Variants in TP63 observed in about 807,000 individuals in gnomAD.
TP63 encodes tumor protein 63.
TP63 carries 17 observed loss-of-function variants against 82.8 expected under a neutral mutation model. The observed-to-expected ratio is 0.21, with a 90% CI of 0.14 to 0.31. The LOEUF (loss-of-function observed/expected upper bound fraction) is 0.31. Among genes scored for constraint, TP63 ranks in the 10% least tolerant of loss-of-function variants. The pLI, the probability that TP63 is intolerant of heterozygous loss-of-function variation, is 1.00. For synonymous variants in TP63, 330 were observed against 321.7 expected (o/e 1.03, Z -0.28); for missense variants, 648 against 895.3 (o/e 0.72, Z 3.52).
At chr3:189,811,509 G>A (rs1727568636) in intron 4 of TP63, among the ~76,000 whole-genome samples, 1 of 152,158 alleles carries the variant, frequency 6.6e-6, no homozygotes, top group Admixed American at 6.5e-5. Flanking sequence ...TAGGGCACTT[G>A]AACCCTTATC....
chr3:189,800,267 A>C (rs528118852), intron 3 of TP63, among the ~76,000 whole-genome samples: 48 of 152,192 alleles, frequency 3.2e-4, no homozygotes, highest in African/African-American at 1.1e-3. Flanking sequence ...CAGAGTTTCA[A>C]ATAGTGCCTC....
intron 4 of TP63, among the ~76,000 whole-genome samples, chr3:189,811,756 C>T (rs1468914341): frequency 1.3e-5 from 2 of 152,160 alleles, no homozygotes; most frequent in Non-Finnish European, 2.9e-5. Flanking sequence ...TAATAACCAG[C>T]CAAGGATGGG....
intron 10 of TP63, among the ~76,000 whole-genome samples, chr3:189,878,372 C>T (rs1261574247): frequency 2.8e-5 from 4 of 143,592 alleles, no homozygotes; most frequent in East Asian, 2.0e-4. Flanking sequence ...ACTACACAAG[C>T]TTTTACAGTT....
chr3:189,799,853 T>C (rs1726100724), intron 3 of TP63, among the ~76,000 whole-genome samples: 1 of 152,198 alleles, frequency 6.6e-6, no homozygotes, highest in South Asian at 2.1e-4. Flanking sequence ...AGATACTTTC[T>C]GCAAGTAATT....
chr3:189,642,485 G>A (rs564736907), intron 1 of TP63, among the ~76,000 whole-genome samples: 97 of 151,988 alleles, frequency 6.4e-4, no homozygotes, highest in African/African-American at 2.1e-3. Flanking sequence ...GGGCCAATGC[G>A]CATAGGTTCA....
At chr3:189,706,006 A>T (rs925610614) in intron 1 of TP63, among the ~76,000 whole-genome samples, 5 of 152,212 alleles carry the variant, frequency 3.3e-5, no homozygotes, top group Admixed American at 2.0e-4. Flanking sequence ...TGTAGTGCCC[A>T]TGCATATACT....
rs1476416394 is a variant in TP63, at chr3:189,872,760, A to T, written c.1213-99A>T. 5 of 1,533,444 alleles carry T rather than the reference A, an allele frequency of 3.3e-6. No individual in the cohort carries two copies. In the African/African-American group the frequency reaches 6.8e-5, roughly 21 times the overall value. The allele number at this position is 1,533,444 out of a possible 1,614,324, so 95.0% of individuals were successfully genotyped here. A position where few individuals can be genotyped will look rare whatever the true frequency, so the allele number is the denominator to read the frequency against. On this transcript the variant is annotated intron_variant, in intron 9 of 13. Transcript: ENST00000264731. ...CAAATAAACGTTAGCAAATAAACAA[A>T]TTGCAATTACGGAATCCTCAAATAA...
intron 12 of TP63, among the ~76,000 whole-genome samples, chr3:189,890,468 A>C (rs1173949665): frequency 6.6e-6 from 1 of 152,162 alleles, no homozygotes; most frequent in African/African-American, 2.4e-5. Flanking sequence ...TAGGAACCTG[A>C]ACACTGGACT....
chr3:189,673,458 C>T (rs974993861), intron 1 of TP63, among the ~76,000 whole-genome samples: 3 of 151,720 alleles, frequency 2.0e-5, no homozygotes, highest in Non-Finnish European at 4.4e-5. Context: ...ATAAAGTAAA[C>T]AAAAAAACTG....
chr3:189,841,942 G>T (rs1209792726), intron 4 of TP63, among the ~76,000 whole-genome samples: 1 of 152,146 alleles, frequency 6.6e-6, no homozygotes, highest in African/African-American at 2.4e-5. Flanking sequence ...CTGAGCTCTA[G>T]GTAGGGCTAT....
At chr3:189,828,525 A>G (rs1711796481) in intron 4 of TP63, among the ~76,000 whole-genome samples, 1 of 152,150 alleles carries the variant, frequency 6.6e-6, no homozygotes, top group Non-Finnish European at 1.5e-5. Flanking sequence ...TTTAGTTAGG[A>G]TTAGTCTTGG....
intron 4 of TP63, among the ~76,000 whole-genome samples, chr3:189,854,609 G>A (rs1376576249): frequency 6.6e-6 from 1 of 152,132 alleles, no homozygotes; most frequent in Non-Finnish European, 1.5e-5. Flanking sequence ...TCAAGCCATT[G>A]GCAGAATTTT....
intron 1 of TP63, among the ~76,000 whole-genome samples, chr3:189,687,731 G>A (rs923495882): frequency 6.6e-6 from 1 of 152,138 alleles, no homozygotes; most frequent in African/African-American, 2.4e-5. Flanking sequence ...AATGTACAAT[G>A]GTAGAGGAAC....
chr3:189,719,526 G>A (rs938712468), intron 1 of TP63, among the ~76,000 whole-genome samples: 10 of 152,070 alleles, frequency 6.6e-5, no homozygotes, highest in Non-Finnish European at 1.5e-4. Context: ...GCCATAAAAT[G>A]TTATCTTCGA....
chr3:189,747,920 T>A (rs1721500338), intron 3 of TP63, among the ~76,000 whole-genome samples: 1 of 152,018 alleles, frequency 6.6e-6, no homozygotes, highest in South Asian at 2.1e-4. Context: ...GAGATTATTA[T>A]GAACAACTGT....
At chr3:189,873,308 T>G in intron 10 of TP63, 2 of 427,902 alleles carry the variant, frequency 4.7e-6, no homozygotes, top group Admixed American at 3.5e-5. Flanking sequence ...AAGTACACAC[T>G]CTATTTGGTA....
chr3:189,641,607 A>C (rs1291740502), intron 1 of TP63, among the ~76,000 whole-genome samples: 2 of 152,144 alleles, frequency 1.3e-5, no homozygotes, highest in African/African-American at 4.8e-5. Flanking sequence ...CTTTCCAGTT[A>C]TTATGTAAGT....
At chr3:189,799,637 G>C (rs895568903) in intron 3 of TP63, among the ~76,000 whole-genome samples, 1 of 152,098 alleles carries the variant, frequency 6.6e-6, no homozygotes. Context: ...TGACAGGACT[G>C]GCTATTCTGC....
chr3:189,612,237 G>A, the TP63 span, among the ~76,000 whole-genome samples: 5 of 150,892 alleles, frequency 3.3e-5, no homozygotes, highest in African/African-American at 1.2e-4. Flanking sequence ...TTCAGCTTGA[G>A]TTGTATCTCT....
Sources: allele counts gnomAD v4.1 joint callset (sites outside exome capture counted in the v4.1 genomes callset), GRCh38; gene constraint gnomAD v4.1.1; transcripts MANE v1.5; gene names NCBI Gene and HGNC (gene_info 2026-07-23, HGNC 2026-07-21).